The following DOK5 variants were observed in gnomAD, a reference collection of about 807,000 sequenced individuals.
The protein encoded by DOK5 is docking protein 5, also known as downstream of tyrosine kinase 5.
Under a neutral mutation model 43.3 loss-of-function variants are expected in DOK5, and 27 were observed. That is an observed-to-expected ratio of 0.62 (90% CI 0.46 to 0.86). The LOEUF (loss-of-function observed/expected upper bound fraction) is 0.86. DOK5 is among the 40% of genes least tolerant of loss of function. The probability of loss-of-function intolerance (pLI) is 0.00; values close to 1 mark genes in which losing one functional copy is unlikely to be tolerated. For synonymous variants in DOK5, 146 were observed against 140.1 expected (o/e 1.04, Z -0.30); for missense variants, 373 against 392.9 (o/e 0.95, Z 0.43).
chr20:54,632,955 T>TC (rs1978638409), intron 6 of DOK5, among the ~76,000 whole-genome samples: 2 of 152,188 alleles, frequency 1.3e-5, no homozygotes, highest in East Asian at 3.9e-4. Flanking sequence ...TGCGTCCCTG[T>TC]AATCCCAGCT....
intron 2 of DOK5, among the ~76,000 whole-genome samples, chr20:54,574,793 C>G (rs1177627017): frequency 6.6e-6 from 1 of 152,096 alleles, no homozygotes; most frequent in African/African-American, 2.4e-5. Context: ...CAGAGGAAAG[C>G]CTTAGATGAA....
chr20:54,573,043 G>A (rs951024020), intron 2 of DOK5, among the ~76,000 whole-genome samples: 42 of 152,274 alleles, frequency 2.8e-4, no homozygotes, highest in Non-Finnish European at 4.3e-4. Context: ...GGGAATAGAG[G>A]GAGGCAGAAA....
chr20:54,486,459 A>G (rs1981938025), intron 1 of DOK5, among the ~76,000 whole-genome samples: 2 of 152,044 alleles, frequency 1.3e-5, no homozygotes, highest in Admixed American at 6.6e-5. Context: ...TTCTTTTTCA[A>G]AATTGTTTTA....
chr20:54,619,854 G>A (rs544671757), intron 6 of DOK5, among the ~76,000 whole-genome samples: 1 of 152,222 alleles, frequency 6.6e-6, no homozygotes, highest in Non-Finnish European at 1.5e-5. Context: ...AGATATAGAA[G>A]GCATCAAAGA....
intron 2 of DOK5, among the ~76,000 whole-genome samples, chr20:54,584,742 A>G (rs1359175689): frequency 6.7e-6 from 1 of 148,520 alleles, no homozygotes; most frequent in African/African-American, 2.5e-5. Context: ...TATATACACT[A>G]TAATATGTGT....
chr20:54,528,574 C>G (rs1457636945), intron 1 of DOK5, among the ~76,000 whole-genome samples: 1 of 152,114 alleles, frequency 6.6e-6, no homozygotes. Context: ...TTTAAAAAAG[C>G]CTTCTTGGAA....
chr20:54,512,826 G>A (rs1239298135), intron 1 of DOK5, among the ~76,000 whole-genome samples: 1 of 151,512 alleles, frequency 6.6e-6, no homozygotes, highest in Non-Finnish European at 1.5e-5. Flanking sequence ...AGTGGAAGAA[G>A]GGTGCAAAGA....
At chr20:54,606,691 C>T (rs571144413) in intron 5 of DOK5, among the ~76,000 whole-genome samples, 7 of 152,184 alleles carry the variant, frequency 4.6e-5, no homozygotes, top group South Asian at 2.1e-4. Context: ...GCTTATGAAA[C>T]GGTTCCAAAC....
At chr20:54,635,556 G>A (rs1051446954) in intron 6 of DOK5, among the ~76,000 whole-genome samples, 2 of 152,108 alleles carry the variant, frequency 1.3e-5, no homozygotes, top group Admixed American at 6.5e-5. Context: ...GAAAATTTTT[G>A]AATCTACCTA....
intron 7 of DOK5, among the ~76,000 whole-genome samples, chr20:54,646,246 C>CTTTTT (rs1234153656): frequency 6.2e-5 from 5 of 80,704 alleles, no homozygotes; most frequent in South Asian, 4.5e-4. Context: ...ACTGGTTATA[C>CTTTTT]TGTTTTTTTT....
In DOK5 at chr20:54,555,280, A is replaced by G. The variant is rs994029748; in HGVS notation, c.174+240A>G. On this transcript the variant is annotated intron_variant, in intron 2 of 7. Transcript: ENST00000262593. ...TTCTTGCTGTTTTCCAGTCTCTGCT[A>G]TGGGACTTATCATGTTGTTGTACTC... The G allele has an allele frequency of 1.4e-5, 6 of 441,236 alleles. No homozygotes were observed. The East Asian group carries it at 2.3e-4, about 17-fold the overall frequency. 27.3% of individuals were successfully genotyped at this position (441,236 alleles called of 1,614,324 possible). A position where few individuals can be genotyped will look rare whatever the true frequency, so the allele number is the denominator to read the frequency against.
At chr20:54,514,838 A>G (rs2426522) in intron 1 of DOK5, among the ~76,000 whole-genome samples, 34,448 of 151,780 alleles carry the variant, frequency 0.23, 6,242 homozygotes, top group African/African-American at 0.51. Context: ...TTGAATTACC[A>G]AAATGCTCAC....
intron 5 of DOK5, among the ~76,000 whole-genome samples, chr20:54,593,555 G>A (rs1986044709): frequency 1.3e-5 from 2 of 152,144 alleles, no homozygotes; most frequent in Non-Finnish European, 2.9e-5. Flanking sequence ...AGGCCAGGAC[G>A]GTGGCTTATG....
intron 1 of DOK5, among the ~76,000 whole-genome samples, chr20:54,532,226 T>C (rs1983798977): frequency 6.6e-6 from 1 of 152,154 alleles, no homozygotes; most frequent in Non-Finnish European, 1.5e-5. Flanking sequence ...AGGATTACAA[T>C]TATCTCATGA....
At chr20:54,596,521 C>A (rs777915921) in intron 5 of DOK5, among the ~76,000 whole-genome samples, 1 of 152,186 alleles carries the variant, frequency 6.6e-6, no homozygotes, top group Admixed American at 6.5e-5. Context: ...GTGTAACAGA[C>A]TGAACTGGAA....
chr20:54,559,850 T>C (rs1219510565), intron 2 of DOK5, among the ~76,000 whole-genome samples: 1 of 152,192 alleles, frequency 6.6e-6, no homozygotes, highest in Non-Finnish European at 1.5e-5. Context: ...TAAATCAGGG[T>C]TAATGTGTGT....
At chr20:54,530,703 C>G (rs1983741308) in intron 1 of DOK5, among the ~76,000 whole-genome samples, 1 of 152,094 alleles carries the variant, frequency 6.6e-6, no homozygotes, top group Non-Finnish European at 1.5e-5. Context: ...CTCTGTGGTT[C>G]TCTCCCATGT....
At chr20:54,520,924 C>T (rs1190164581) in intron 1 of DOK5, among the ~76,000 whole-genome samples, 3 of 152,090 alleles carry the variant, frequency 2.0e-5, no homozygotes, top group African/African-American at 7.2e-5. Context: ...CTTCTATCAC[C>T]CTTCCCTTTA....
At chr20:54,649,558 A>G (rs1162527229) in intron 7 of DOK5, among the ~76,000 whole-genome samples, 1 of 146,420 alleles carries the variant, frequency 6.8e-6, no homozygotes, top group African/African-American at 2.4e-5. Context: ...TTTGTTCCAA[A>G]GGCTTTGCGG....
Sources: gnomAD v4.1 joint callset for allele counts (sites outside exome capture counted in the v4.1 genomes callset) on GRCh38, gnomAD v4.1.1 for gene constraint, MANE v1.5 for transcripts, NCBI Gene and HGNC (gene_info 2026-07-23, HGNC 2026-07-21) for gene names.